ABCD4: variants seen among roughly 807,000 people sequenced by gnomAD.
The protein encoded by ABCD4 is lysosomal cobalamin transporter ABCD4.
ABCD4 carries 53 observed loss-of-function variants against 86.3 expected under a neutral mutation model. The observed-to-expected ratio is 0.61, with a 90% CI of 0.49 to 0.77. The LOEUF (loss-of-function observed/expected upper bound fraction) is 0.77. Ranked by LOEUF, ABCD4 falls within the 30% of genes least tolerant of loss-of-function variation. ABCD4 has a pLI of 0.00. For missense variants in ABCD4, 757 were observed against 764.5 expected, an observed-to-expected ratio of 0.99 and a Z score of 0.12; for synonymous variants, 328 against 313.6, an observed-to-expected ratio of 1.05 and a Z score of -0.49.
chr14:74,289,827 G>T, intron 13 of ABCD4, 200 bp downstream of exon 13: 1 of 1,440,938 alleles, frequency 6.9e-7, no homozygotes. Context: ...ACCTGCCTCA[G>T]GAGCTGCTAT....
intron 14 of ABCD4, chr14:74,289,180 C>T (rs2080758332): frequency 1.6e-5 from 20 of 1,255,022 alleles, no homozygotes; most frequent in Non-Finnish European, 2.0e-5. Flanking sequence ...GGGTGGGGGC[C>T]TCAGAATGCT....
chr14:74,298,647 C>T lies in ABCD4; in HGVS notation c.286-578G>A, dbSNP rs144506678. 8.8e-4 allele frequency among the ~76,000 whole-genome samples: 134 copies of T among 152,330 alleles called. 1 individual carries two copies. Among genetic ancestry groups the T allele is most frequent in the Non-Finnish European group, 1.4e-3 (92 of 68,036 alleles). On this transcript the variant is annotated intron_variant, in intron 3 of 18. Transcript: ENST00000356924. The stretch of plus-strand genomic sequence containing the variant: ...CTGTCTTATTTTGAGAGTAGATGAG[C>T]TTCTGAAGATTGGAGACCATATTGT...
In ABCD4 at chr14:74,296,506, G is replaced by C. The variant is rs2082908966; in HGVS notation, c.426-57C>G. 4.0e-6 allele frequency: 6 copies of C among 1,514,918 alleles called. No homozygotes were observed. In the Admixed American group the frequency reaches 1.0e-4, roughly 25 times the overall value. 93.8% of individuals were successfully genotyped at this position (1,514,918 alleles called of 1,614,324 possible). ...AGGGAGATGGGCCCAAAGGTAGAGA[G>C]AACAAGAAACTTTCACATCACCTCT... On this transcript the variant is annotated intron_variant, in intron 4 of 18. Coordinates refer to ENST00000356924, the MANE Select transcript of ABCD4 (RefSeq NM_005050.4).
intron 1 of ABCD4, among the ~76,000 whole-genome samples, chr14:74,300,806 T>C (rs1240718627): frequency 6.6e-6 from 1 of 152,158 alleles, no homozygotes; most frequent in Non-Finnish European, 1.5e-5. Flanking sequence ...TAGATTAAGT[T>C]AGAAGACTTG....
In ABCD4 at chr14:74,298,145, G is replaced by GA; in HGVS notation, c.286-77dup. The GA allele has an allele frequency of 5.8e-6, 9 of 1,561,056 alleles. No individual in the cohort carries two copies. The South Asian group carries it at 8.3e-5, about 14-fold the overall frequency. On this transcript the variant is annotated intron_variant, in intron 3 of 18. Coordinates refer to ENST00000356924, the MANE Select transcript of ABCD4 (RefSeq NM_005050.4). ...TCAGCTCAAAGCTCAAGGCTCGCAA[G>GA]AGCCTCCGCTGACCCATCCCAGCCC...
At chr14:74,295,255 G>A in intron 6 of ABCD4, 57 bp from the exon 7 acceptor site, 4 of 1,600,838 alleles carry the variant, frequency 2.5e-6, no homozygotes, top group Non-Finnish European at 3.4e-6. Flanking sequence ...CCTCACTCTT[G>A]TTGGAGTCCT....
chr14:74,292,566 G>A lies in ABCD4; in HGVS notation c.1013C>T (p.Ala338Val), dbSNP rs1236230153. The A allele has an allele frequency of 6.2e-6, 10 of 1,614,020 alleles. No homozygotes were observed. The highest frequency in any genetic ancestry group is 8.5e-6 in the Non-Finnish European group (10 of 1,179,976). ...IDLSTTLSDV[A>V]GYTHRIGQLR... The stretch of plus-strand genomic sequence containing the variant: ...ACGGCCTCACCTGTGCGTGTAGCCA[G>A]CCACATCTGAGAGCGTCGTGGACAG... Residue 338 changes from alanine (A) to valine (V), a missense_variant, in exon 10 of 19, where the codon GCT (alanine) becomes GTT (valine). Coordinates refer to ENST00000356924, the MANE Select transcript of ABCD4 (RefSeq NM_005050.4).
At chr14:74,291,935 G>A (rs978381233) in intron 11 of ABCD4, among the ~76,000 whole-genome samples, 2 of 152,128 alleles carry the variant, frequency 1.3e-5, no homozygotes, top group Non-Finnish European at 2.9e-5. Flanking sequence ...AGACATCTCT[G>A]GGGCTGAGTG....
intron 8 of ABCD4, 83 bp downstream of exon 8, chr14:74,293,071 C>T: frequency 4.0e-6 from 6 of 1,493,284 alleles, no homozygotes; most frequent in South Asian, 3.6e-5. Flanking sequence ...TTTATCCTTG[C>T]AGACAGGAGG....
intron 3 of ABCD4, 126 bp downstream of exon 3, chr14:74,299,422 C>T: frequency 8.0e-7 from 1 of 1,245,212 alleles, no homozygotes; most frequent in Non-Finnish European, 1.1e-6. Flanking sequence ...CCTTTAGTTC[C>T]CAGAAAAGGG....
intron 14 of ABCD4, chr14:74,288,977 T>C: frequency 2.2e-6 from 2 of 897,928 alleles, no homozygotes; most frequent in South Asian, 2.0e-5. Flanking sequence ...GCAGGCAAGG[T>C]GGCGTGCACC....
chr14:74,288,317 T>A (rs1434638240), intron 15 of ABCD4, 58 bp from the exon 16 acceptor site: 2 of 1,540,014 alleles, frequency 1.3e-6, no homozygotes, highest in Non-Finnish European at 1.8e-6. Context: ...CTACCTGCCA[T>A]CATGGGGAAC....
At chr14:74,293,600 T>C in intron 7 of ABCD4, 1 of 183,182 alleles carries the variant, frequency 5.5e-6, no homozygotes, top group Non-Finnish European at 1.1e-5. Flanking sequence ...GAATTAAAAG[T>C]TTCTAAATAT....
rs2085029912 is a variant in ABCD4 at position 74,302,768 on chromosome 14, G to A, written c.38+107C>T. The A allele has an allele frequency of 3.2e-6, 4 of 1,256,038 alleles. No homozygotes were observed. In the South Asian group the frequency reaches 5.4e-5, roughly 17 times the overall value. 77.8% of individuals were successfully genotyped at this position (1,256,038 alleles called of 1,614,324 possible). ...TCTTTCTCTCAGAAGTCACGGGGGC[G>A]AGACGGGGGCGCCAGGGCGGCGGAC... On this transcript the variant is annotated intron_variant, in intron 1 of 18. Coordinates refer to ENST00000356924, the MANE Select transcript of ABCD4 (RefSeq NM_005050.4).
intron 7 of ABCD4, 102 bp from the exon 8 acceptor site, chr14:74,293,350 T>C (rs895994099): frequency 1.1e-5 from 11 of 1,038,962 alleles, no homozygotes; most frequent in African/African-American, 1.6e-5. Flanking sequence ...CCAAGGCCAT[T>C]CAAATGATCT....
chr14:74,289,751 C>A, intron 13 of ABCD4: 1 of 1,433,904 alleles, frequency 7.0e-7, no homozygotes, highest in Non-Finnish European at 9.1e-7. Flanking sequence ...GGGCAGGGGC[C>A]CCAGAATCCG....
Position 74,293,265 on chromosome 14 carries a change from G to A in ABCD4, c.720-17C>T. On this transcript the variant is annotated splice_polypyrimidine_tract_variant and intron_variant, in intron 7 of 18. Coordinates refer to ENST00000356924, the MANE Select transcript of ABCD4 (RefSeq NM_005050.4). ...TGCCCAGCTCTGACAAGGAAAGGCT[G>A]GGATGTCCACAGGGCTGGAGAGGTT... is the stretch of plus-strand genomic sequence containing the variant. 2 of 1,613,692 alleles carry A rather than the reference G, an allele frequency of 1.2e-6. No individual in the cohort carries two copies. The highest frequency in any genetic ancestry group is 1.7e-6 in the Non-Finnish European group (2 of 1,179,732).
At chr14:74,291,090 A>G (rs1219486812) in intron 11 of ABCD4, among the ~76,000 whole-genome samples, 2 of 152,188 alleles carry the variant, frequency 1.3e-5, no homozygotes, top group Non-Finnish European at 2.9e-5. Flanking sequence ...ATATAAAGGA[A>G]AGGCCACGTG....
chr14:74,286,357 T>A lies in ABCD4; in HGVS notation c.*104A>T. The A allele has an allele frequency of 7.9e-7, 1 of 1,260,304 alleles. No homozygotes were observed. The allele number at this position is 1,260,304 out of a possible 1,614,324, so 78.1% of individuals were successfully genotyped here. A position where few individuals can be genotyped will look rare whatever the true frequency, so the allele number is the denominator to read the frequency against. Reference sequence around the variant, plus strand: ...GGACCCATGTGGCTCCTGCACGGGATCTATGTGGCGAACCTGAGCTCGATC... The same window carrying A: ...GGACCCATGTGGCTCCTGCACGGGAACTATGTGGCGAACCTGAGCTCGATC... On this transcript the variant is annotated 3_prime_UTR_variant, in exon 19 of 19. Transcript: ENST00000356924.
Sources: gnomAD v4.1 joint callset for allele counts (sites outside exome capture counted in the v4.1 genomes callset) on GRCh38, gnomAD v4.1.1 for gene constraint, MANE v1.5 for transcripts, NCBI Gene and HGNC (gene_info 2026-07-23, HGNC 2026-07-21) for gene names.